The following ARHGEF28 variants were observed in gnomAD, a reference collection of about 807,000 sequenced individuals.
ARHGEF28 encodes 190 kDa guanine nucleotide exchange factor.
ARHGEF28 carries 152 observed loss-of-function variants against 206.6 expected under a neutral mutation model. The ratio of observed to expected loss-of-function variants is 0.74; its 90% CI spans 0.64 to 0.84. ARHGEF28 has a LOEUF of 0.84. Ranked by LOEUF, ARHGEF28 falls within the 40% of genes least tolerant of loss-of-function variation. The probability of loss-of-function intolerance (pLI) is 0.00; values close to 1 mark genes in which losing one functional copy is unlikely to be tolerated. For missense variants in ARHGEF28, 2,028 were observed against 2,073.2 expected, an observed-to-expected ratio of 0.98 and a Z score of 0.42; for synonymous variants, 763 against 776.4, an observed-to-expected ratio of 0.98 and a Z score of 0.29.
chr5:73,753,021 G>C lies in ARHGEF28; in HGVS notation c.294G>C (p.Arg98Ser), dbSNP rs1210237192. 6 of 1,611,090 alleles carry C rather than the reference G, an allele frequency of 3.7e-6. No homozygotes were observed. Among genetic ancestry groups the C allele is most frequent in the African/African-American group, 1.3e-5 (1 of 74,884 alleles). Reference sequence around the variant, plus strand: ...CCTACGTGGACAACATGGCTTGCAGGCTGGCTCGTCTGCTGGTGACGCAGG... The same window carrying C: ...CCTACGTGGACAACATGGCTTGCAGCCTGGCTCGTCTGCTGGTGACGCAGG... Reference protein sequence around the residue: ...SVTYVDNMACRLARLLVTQAN... With the variant: ...SVTYVDNMACSLARLLVTQAN... The change falls in exon 4 of 36, where the codon AGG (arginine) becomes AGC (serine). Residue 98 changes from arginine to serine, a missense_variant. This residue lies in a region of ARHGEF28 where 1,002 missense variants were observed against 1,015.3 expected (regional missense o/e 0.99). Transcript: ENST00000513042.
chr5:73,927,072 C>T (rs967134239), intron 35 of ARHGEF28, among the ~76,000 whole-genome samples: 2 of 152,082 alleles, frequency 1.3e-5, no homozygotes, highest in African/African-American at 4.8e-5. Flanking sequence ...AAGGCAGCTG[C>T]TTTCTTGGCC....
chr5:73,765,276 T>C (rs1241981445), intron 4 of ARHGEF28, among the ~76,000 whole-genome samples: 2 of 152,338 alleles, frequency 1.3e-5, no homozygotes, highest in East Asian at 3.9e-4. Flanking sequence ...GATTTTATCA[T>C]TGTGTGAAAT....
rs779681483 is a variant in ARHGEF28 at position 73,749,814 on chromosome 5, GC to G, written c.34-19del. 8 of 1,613,058 alleles carry G rather than the reference GC, an allele frequency of 5.0e-6. No individual in the cohort carries two copies. The African/African-American group carries it at 5.3e-5, about 11-fold the overall frequency. On this transcript the variant is annotated intron_variant, in intron 2 of 35. Coordinates refer to ENST00000513042, the MANE Select transcript of ARHGEF28 (RefSeq NM_001177693.2). Reference sequence around the variant, plus strand: ...AGCCAGGACAAGGAAGTCTGACAATGCCCCGACTTATTCCTTTTTCAGGGGC... The same window carrying G: ...AGCCAGGACAAGGAAGTCTGACAATGCCCGACTTATTCCTTTTTCAGGGGC...
At chr5:73,914,250 T>G (rs1284221533) in intron 35 of ARHGEF28, among the ~76,000 whole-genome samples, 1 of 152,110 alleles carries the variant, frequency 6.6e-6, no homozygotes, top group Non-Finnish European at 1.5e-5. Context: ...GTTCTGTCCT[T>G]TGAGAGGGGC....
intron 33 of ARHGEF28, 85 bp downstream of exon 33, chr5:73,904,490 G>T: frequency 7.4e-7 from 1 of 1,352,978 alleles, no homozygotes; most frequent in Non-Finnish European, 1.0e-6. Context: ...TTAAAAATGA[G>T]AACAAGTGAG....
intron 9 of ARHGEF28, chr5:73,813,632 C>T: frequency 1.3e-6 from 2 of 1,535,900 alleles, no homozygotes; most frequent in Non-Finnish European, 8.7e-7. Context: ...TCGTGGCCTT[C>T]CTTTCCCAAA....
At chr5:73,699,603 T>G (rs1365795969) in intron 2 of ARHGEF28, among the ~76,000 whole-genome samples, 1 of 152,034 alleles carries the variant, frequency 6.6e-6, no homozygotes, top group Non-Finnish European at 1.5e-5. Flanking sequence ...GCCATCTGGG[T>G]GTAGAAAAGT....
chr5:73,755,526 A>G (rs939351185), intron 4 of ARHGEF28, among the ~76,000 whole-genome samples: 1 of 152,146 alleles, frequency 6.6e-6, no homozygotes, highest in Non-Finnish European at 1.5e-5. Flanking sequence ...AGGTCATGGA[A>G]CCTCATAACT....
chr5:73,641,885 C>T (rs2112141250), intron 1 of ARHGEF28, among the ~76,000 whole-genome samples: 1 of 152,264 alleles, frequency 6.6e-6, no homozygotes, highest in Admixed American at 6.5e-5. Context: ...ATTGCTTTTC[C>T]TTGTTAGGCA....
At chr5:73,640,538 AAAG>A (rs920172236) in intron 1 of ARHGEF28, among the ~76,000 whole-genome samples, 72 of 152,346 alleles carry the variant, frequency 4.7e-4, no homozygotes, top group African/African-American at 1.7e-3. Flanking sequence ...ATTAAACAAA[AAAG>A]AAGAAATTAT....
intron 10 of ARHGEF28, among the ~76,000 whole-genome samples, chr5:73,833,532 G>A (rs1049539080): frequency 6.6e-6 from 1 of 151,952 alleles, no homozygotes; most frequent in Admixed American, 6.5e-5. Flanking sequence ...TGGTATAGTT[G>A]TTTTGGTATA....
chr5:73,724,968 A>G (rs1191569651), intron 2 of ARHGEF28, among the ~76,000 whole-genome samples: 3 of 152,206 alleles, frequency 2.0e-5, no homozygotes, highest in Non-Finnish European at 4.4e-5. Context: ...GAGATTGTTA[A>G]ATGTATTTCA....
At chr5:73,672,353 G>A (rs540937372) in intron 1 of ARHGEF28, among the ~76,000 whole-genome samples, 1 of 152,192 alleles carries the variant, frequency 6.6e-6, no homozygotes, top group African/African-American at 2.4e-5. Flanking sequence ...ACTGAACTCC[G>A]ACTTTCCATT....
At chr5:73,830,421 G>C (rs558757394) in intron 9 of ARHGEF28, among the ~76,000 whole-genome samples, 1 of 152,148 alleles carries the variant, frequency 6.6e-6, no homozygotes, top group East Asian at 1.9e-4. Flanking sequence ...GGGTGTGGTG[G>C]CGGGCACCTG....
At chr5:73,701,088 A>G (rs1055986271) in intron 2 of ARHGEF28, among the ~76,000 whole-genome samples, 4 of 152,190 alleles carry the variant, frequency 2.6e-5, no homozygotes, top group Admixed American at 2.6e-4. Flanking sequence ...AAAGTTACCT[A>G]TACATAAAAT....
chr5:73,849,246 G>A, intron 13 of ARHGEF28, 159 bp downstream of exon 13: 2 of 560,466 alleles, frequency 3.6e-6, no homozygotes, highest in East Asian at 3.2e-5. Context: ...TTTTCTTATT[G>A]GATAACAGCC....
intron 2 of ARHGEF28, among the ~76,000 whole-genome samples, chr5:73,691,545 G>A (rs1747830744): frequency 6.6e-6 from 1 of 152,182 alleles, no homozygotes; most frequent in South Asian, 2.1e-4. Context: ...ACACTCTGTG[G>A]ATGGGGCCCA....
intron 4 of ARHGEF28, among the ~76,000 whole-genome samples, chr5:73,761,872 T>A (rs1309573532): frequency 6.6e-6 from 1 of 151,512 alleles, no homozygotes; most frequent in Admixed American, 6.6e-5. Flanking sequence ...AATTTGTTGA[T>A]TTTTTTTAAG....
At chr5:73,746,003 C>T (rs1299214187) in intron 2 of ARHGEF28, among the ~76,000 whole-genome samples, 1 of 151,938 alleles carries the variant, frequency 6.6e-6, no homozygotes, top group East Asian at 1.9e-4. Context: ...ATTAAATCAG[C>T]GAGGAACTGT....
Sources: allele counts gnomAD v4.1 joint callset (sites outside exome capture counted in the v4.1 genomes callset), GRCh38; gene constraint gnomAD v4.1.1; regional missense constraint gnomAD v4.1.1; transcripts MANE v1.5; gene names NCBI Gene and HGNC (gene_info 2026-07-23, HGNC 2026-07-21).